The following ANKRD12 variants were observed in gnomAD, a reference collection of about 807,000 sequenced individuals.
ANKRD12 encodes the protein ankyrin repeat domain-containing protein 12.
A neutral mutation model predicts 183.4 loss-of-function variants in ANKRD12; 85 were observed. That is an observed-to-expected ratio of 0.46 (90% CI 0.39 to 0.56). The LOEUF (loss-of-function observed/expected upper bound fraction) is 0.56, where lower values mean the gene tolerates loss of function less well. Ranked by LOEUF, ANKRD12 falls within the 20% of genes least tolerant of loss-of-function variation. The probability of loss-of-function intolerance (pLI) is 0.00; values close to 1 mark genes in which losing one functional copy is unlikely to be tolerated. For synonymous variants in ANKRD12, 914 were observed against 800.2 expected (o/e 1.14, Z -2.40); for missense variants, 2,405 against 2,357.1 (o/e 1.02, Z -0.42).
At chr18:9,263,013 G>C (rs1053039618) in intron 9 of ANKRD12, among the ~76,000 whole-genome samples, 1 of 151,552 alleles carries the variant, frequency 6.6e-6, no homozygotes, top group African/African-American at 2.4e-5. Flanking sequence ...AATCAGGCTG[G>C]TCTCGAACTA....
chr18:9,235,889 A>G (rs1016510488), intron 8 of ANKRD12: 2 of 275,884 alleles, frequency 7.2e-6, no homozygotes, highest in Admixed American at 4.1e-5. Context: ...CTTCTCTGGG[A>G]AAATCTTATA....
intron 9 of ANKRD12, among the ~76,000 whole-genome samples, chr18:9,261,590 G>A (rs575542590): frequency 2.0e-5 from 3 of 152,190 alleles, no homozygotes; most frequent in Non-Finnish European, 2.9e-5. Context: ...TCTCTTCTGC[G>A]GTCTTAAGTT....
At chr18:9,198,517 G>A (rs1320133946) in intron 3 of ANKRD12, among the ~76,000 whole-genome samples, 3 of 152,044 alleles carry the variant, frequency 2.0e-5, no homozygotes, top group East Asian at 1.9e-4. Context: ...CTTAACATCT[G>A]ACTAATTTTT....
At chr18:9,264,755 C>G (rs1344525491) in intron 10 of ANKRD12, among the ~76,000 whole-genome samples, 2 of 142,286 alleles carry the variant, frequency 1.4e-5, no homozygotes, top group African/African-American at 5.6e-5. Context: ...ACATCAATAG[C>G]TATTTCAACT....
At chr18:9,194,234 G>A (rs1436863329) in intron 2 of ANKRD12, among the ~76,000 whole-genome samples, 1 of 152,148 alleles carries the variant, frequency 6.6e-6, no homozygotes, top group Non-Finnish European at 1.5e-5. Context: ...GTAGGTCTGA[G>A]ATGATGCCTG....
At chr18:9,265,072 T>G (rs939485068) in intron 10 of ANKRD12, among the ~76,000 whole-genome samples, 1 of 150,962 alleles carries the variant, frequency 6.6e-6, no homozygotes, top group South Asian at 2.1e-4. Context: ...GGAGCGAGGC[T>G]GGGGGAGGGG....
At chr18:9,234,876 G>C (rs1285671437) in intron 8 of ANKRD12, among the ~76,000 whole-genome samples, 1 of 152,098 alleles carries the variant, frequency 6.6e-6, no homozygotes, top group African/African-American at 2.4e-5. Context: ...TTTGTGATGG[G>C]GTTGTGGACT....
chr18:9,172,297 T>C (rs2032816899), intron 1 of ANKRD12, among the ~76,000 whole-genome samples: 1 of 152,194 alleles, frequency 6.6e-6, no homozygotes. Flanking sequence ...TTCTCCTGGA[T>C]GATATCCTGA....
chr18:9,165,265 C>G (rs2031911802), intron 1 of ANKRD12, among the ~76,000 whole-genome samples: 1 of 152,018 alleles, frequency 6.6e-6, no homozygotes, highest in Non-Finnish European at 1.5e-5. Flanking sequence ...TCCACCATCC[C>G]TTTATTTTGA....
chr18:9,141,947 T>C (rs1187560448), intron 1 of ANKRD12, among the ~76,000 whole-genome samples: 1 of 152,192 alleles, frequency 6.6e-6, no homozygotes, highest in African/African-American at 2.4e-5. Flanking sequence ...GTTTTTGTTT[T>C]GTTTCACTAT....
At chr18:9,176,007 CTTG>C (rs2033235251) in intron 1 of ANKRD12, among the ~76,000 whole-genome samples, 1 of 152,148 alleles carries the variant, frequency 6.6e-6, no homozygotes. Context: ...TCAGACAAGA[CTTG>C]TTGTATTGCA....
At position 9,257,083 on chromosome 18, in the gene ANKRD12, G is replaced by A. The variant is rs2038677975; in HGVS notation, c.3816G>A (p.Arg1272=). The part of the protein sequence containing the change: ...ELDSLADLPE[R]IKPPYANRLS... ...ACAGCCTGGCTGACTTGCCGGAGCGGATTAAACCACCATATGCAAACAGAC... is the reference window on the plus strand; with the variant it reads ...ACAGCCTGGCTGACTTGCCGGAGCGAATTAAACCACCATATGCAAACAGAC... The change falls in exon 9 of 13, where the codon CGG becomes CGA. Residue 1272 remains arginine, a synonymous_variant. Coordinates refer to ENST00000262126, the MANE Select transcript of ANKRD12 (RefSeq NM_015208.5). 3.7e-6 allele frequency: 6 copies of A among 1,614,098 alleles called. No homozygotes were observed. The East Asian group carries it at 1.3e-4, about 36-fold the overall frequency.
At chr18:9,185,116 A>G (rs1443344958) in intron 2 of ANKRD12, among the ~76,000 whole-genome samples, 1 of 152,238 alleles carries the variant, frequency 6.6e-6, no homozygotes, top group Non-Finnish European at 1.5e-5. Flanking sequence ...GAAACAGCAA[A>G]TGAAAAACAA....
chr18:9,175,523 C>CTTTT (rs33944736), intron 1 of ANKRD12, among the ~76,000 whole-genome samples: 3,544 of 53,226 alleles, frequency 0.067, 1,023 homozygotes, highest in South Asian at 0.11. Context: ...AAAGGCTCCT[C>CTTTT]TTTTTTTTTT....
chr18:9,242,983 T>C (rs938219891), intron 8 of ANKRD12, among the ~76,000 whole-genome samples: 1 of 152,206 alleles, frequency 6.6e-6, no homozygotes, highest in African/African-American at 2.4e-5. Context: ...TTTAGAAAAT[T>C]GAAATTTAGA....
chr18:9,180,377 G>GT (rs1198984990), intron 1 of ANKRD12, among the ~76,000 whole-genome samples: 2 of 151,598 alleles, frequency 1.3e-5, no homozygotes, highest in South Asian at 2.1e-4. Context: ...CTTCTTGTTG[G>GT]TTTTTTTCCC....
At position 9,195,575 on chromosome 18, in the gene ANKRD12, A is replaced by G; in HGVS notation, c.112A>G (p.Ser38Gly). ...GAGTAAAGACAAGATTGCATCCTACAGCAAAACTCCAAAAATTGAACGAAG... is the reference window on the plus strand; with the variant it reads ...GAGTAAAGACAAGATTGCATCCTACGGCAAAACTCCAAAAATTGAACGAAG... ...RKSKDKIASY[S>G]KTPKIERSDV... The change falls in exon 3 of 13, where the codon AGC becomes GGC. Residue 38 changes from serine to glycine, a missense_variant. Ser to Gly is a moderately conservative substitution (Grantham distance 56). Transcript: ENST00000262126. 5 of 1,609,418 alleles carry G rather than the reference A, an allele frequency of 3.1e-6. No individual in the cohort carries two copies. The highest frequency in any genetic ancestry group is 3.4e-6 in the Non-Finnish European group (4 of 1,177,614).
At position 9,166,504 on chromosome 18, in the gene ANKRD12, C is replaced by T. The variant is rs1378662032; in HGVS notation, c.-51-15878C>T. Among the ~76,000 whole-genome samples, 8 of 152,144 alleles carry T rather than the reference C, an allele frequency of 5.3e-5. No homozygotes were observed. The East Asian group carries it at 1.5e-3, about 29-fold the overall frequency. ...GAGCATTTTTTCATGTGTTTTTTGG[C>T]TGCATAAATGTCTTCTTTTGAGAAG... On this transcript the variant is annotated intron_variant, in intron 1 of 12. Transcript: ENST00000262126.
chr18:9,159,094 CT>C (rs981447448), intron 1 of ANKRD12, among the ~76,000 whole-genome samples: 1 of 152,124 alleles, frequency 6.6e-6, no homozygotes, highest in African/African-American at 2.4e-5. Flanking sequence ...TGTTTCCTGC[CT>C]TGGCCTAGGA....
Sources: allele counts gnomAD v4.1 joint callset (sites outside exome capture counted in the v4.1 genomes callset), GRCh38; gene constraint gnomAD v4.1.1; transcripts MANE v1.5; gene names NCBI Gene and HGNC (gene_info 2026-07-23, HGNC 2026-07-21).